The following MGMT variants were observed in gnomAD, a reference collection of about 807,000 sequenced individuals.
MGMT encodes the protein O-6-methylguanine-DNA methyltransferase.
Under a neutral mutation model 15.9 loss-of-function variants are expected in MGMT, and 14 were observed. That is an observed-to-expected ratio of 0.88 (90% CI 0.58 to 1.37). The LOEUF (loss-of-function observed/expected upper bound fraction) is 1.37. MGMT is among the 40% of genes most tolerant of loss of function. The probability of loss-of-function intolerance (pLI) is 0.00; values close to 1 mark genes in which losing one functional copy is unlikely to be tolerated. For missense variants in MGMT, 282 were observed against 268.1 expected (o/e 1.05, Z -0.36); for synonymous variants, 130 against 118.2 (o/e 1.10, Z -0.65).
intron 3 of MGMT, among the ~76,000 whole-genome samples, chr10:129,755,897 C>T (rs1027555707): frequency 1.3e-5 from 2 of 152,188 alleles, no homozygotes; most frequent in East Asian, 3.9e-4. Flanking sequence ...GGTCTGTGTC[C>T]TCCTGCCGTG....
intron 2 of MGMT, among the ~76,000 whole-genome samples, chr10:129,679,243 C>T (rs866108522): frequency 9.9e-5 from 15 of 152,056 alleles, no homozygotes; most frequent in Non-Finnish European, 1.8e-4. Context: ...AAAATTTATG[C>T]GGTCCTTGTG....
At chr10:129,750,772 A>G (rs1474192057) in intron 3 of MGMT, among the ~76,000 whole-genome samples, 2 of 152,092 alleles carry the variant, frequency 1.3e-5, no homozygotes, top group African/African-American at 4.8e-5. Flanking sequence ...GAATGACTGT[A>G]TATCTGTGTG....
At chr10:129,488,062 G>A (rs941338026) in intron 1 of MGMT, among the ~76,000 whole-genome samples, 2 of 149,268 alleles carry the variant, frequency 1.3e-5, no homozygotes, top group Admixed American at 1.3e-4. Flanking sequence ...TATATGGTTA[G>A]TAGTGGGAAG....
chr10:129,622,673 G>A (rs925122083), intron 2 of MGMT, among the ~76,000 whole-genome samples: 1 of 152,078 alleles, frequency 6.6e-6, no homozygotes, highest in Non-Finnish European at 1.5e-5. Context: ...TATGTTTTGT[G>A]TATATGTGCT....
intron 2 of MGMT, among the ~76,000 whole-genome samples, chr10:129,635,429 C>T (rs1054627980): frequency 2.6e-5 from 4 of 152,246 alleles, no homozygotes; most frequent in Non-Finnish European, 4.4e-5. Flanking sequence ...AGGGCAGTCG[C>T]AGCCTTTTCT....
chr10:129,571,511 G>A (rs902888942), intron 2 of MGMT, among the ~76,000 whole-genome samples: 4 of 152,232 alleles, frequency 2.6e-5, no homozygotes, highest in Non-Finnish European at 4.4e-5. Flanking sequence ...TACATAAGAC[G>A]GGGCCGCATA....
chr10:129,728,461 G>A (rs1848458534), intron 3 of MGMT, among the ~76,000 whole-genome samples: 1 of 152,136 alleles, frequency 6.6e-6, no homozygotes, highest in Non-Finnish European at 1.5e-5. Context: ...GATTGCCTTG[G>A]GGGAGTTCAG....
At chr10:129,688,674 T>C (rs1479758632) in intron 2 of MGMT, among the ~76,000 whole-genome samples, 2 of 152,222 alleles carry the variant, frequency 1.3e-5, no homozygotes, top group Non-Finnish European at 2.9e-5. Context: ...TTTATTTTGA[T>C]GTGCAGAAGC....
Position 129,730,184 on chromosome 10 carries a change from G to A in MGMT, c.274+22141G>A, listed in dbSNP as rs146741230. On this transcript the variant is annotated intron_variant, in intron 3 of 4. Coordinates refer to ENST00000651593, the MANE Select transcript of MGMT (RefSeq NM_002412.5). ...CTACATACTTAGGTTCTTTGGGGAG[G>A]TCAGTGCGTTTTTAGCAACCATTGG... 4.8e-3 allele frequency among the ~76,000 whole-genome samples: 736 copies of A among 152,250 alleles called. 5 individuals are homozygous for A. Among genetic ancestry groups the A allele is most frequent in the African/African-American group, 0.016 (668 of 41,536 alleles).
rs540750817 is a variant in MGMT at position 129,622,792 on chromosome 10, TA to T, written c.126-85092del. Reference sequence around the variant, plus strand: ...ATCCTGACTTTCAATAAATGGCCTGTAAAAAAAAAAAGAAAGTATTTAGAGT... The same window carrying T: ...ATCCTGACTTTCAATAAATGGCCTGTAAAAAAAAAAGAAAGTATTTAGAGT... On this transcript the variant is annotated intron_variant, in intron 2 of 4. Coordinates refer to ENST00000651593, the MANE Select transcript of MGMT (RefSeq NM_002412.5). 2.9e-3 allele frequency among the ~76,000 whole-genome samples: 428 copies of T among 146,096 alleles called. 3 individuals are homozygous for T. Among genetic ancestry groups the T allele is most frequent in the African/African-American group, 8.9e-3 (357 of 40,152 alleles).
intron 2 of MGMT, among the ~76,000 whole-genome samples, chr10:129,658,643 T>C (rs1365797606): frequency 6.6e-6 from 1 of 152,224 alleles, no homozygotes; most frequent in Non-Finnish European, 1.5e-5. Context: ...ATCCTGGAGT[T>C]CTGCAGTGAT....
At chr10:129,491,440 TGC>T (rs1845467971) in intron 1 of MGMT, among the ~76,000 whole-genome samples, 1 of 152,198 alleles carries the variant, frequency 6.6e-6, no homozygotes, top group South Asian at 2.1e-4. Context: ...ATATTTATTC[TGC>T]TTAGGGTTTG....
At chr10:129,621,543 G>A (rs1483025979) in intron 2 of MGMT, among the ~76,000 whole-genome samples, 1 of 152,194 alleles carries the variant, frequency 6.6e-6, no homozygotes, top group Non-Finnish European at 1.5e-5. Context: ...TGGAAAGGAT[G>A]GGGAACAGGG....
At chr10:129,490,798 T>C (rs1431241395) in intron 1 of MGMT, among the ~76,000 whole-genome samples, 2 of 152,198 alleles carry the variant, frequency 1.3e-5, no homozygotes, top group Admixed American at 1.3e-4. Context: ...TTCTTTATGA[T>C]TAATAGTTTT....
intron 3 of MGMT, among the ~76,000 whole-genome samples, chr10:129,712,406 A>G (rs1318416885): frequency 6.6e-6 from 1 of 152,236 alleles, no homozygotes; most frequent in East Asian, 1.9e-4. Context: ...ACAGCTATGA[A>G]ATCCAGTTGC....
chr10:129,766,061 A>G (rs1295264144), intron 4 of MGMT, among the ~76,000 whole-genome samples: 3 of 152,196 alleles, frequency 2.0e-5, no homozygotes, highest in African/African-American at 7.2e-5. Context: ...GGGACTGGCC[A>G]TAAAGAAGCA....
chr10:129,673,783 G>A lies in MGMT; in HGVS notation c.126-34112G>A, dbSNP rs147662377. Among the ~76,000 whole-genome samples, 17 of 152,244 alleles carry A rather than the reference G, an allele frequency of 1.1e-4. 1 individual carries two copies. Among genetic ancestry groups the A allele is most frequent in the African/African-American group, 3.6e-4 (15 of 41,544 alleles). On this transcript the variant is annotated intron_variant, in intron 2 of 4. Transcript: ENST00000651593. ...ATCATATGAAACTATGTTTTATGTG[G>A]TATTTAATGTGAGTTTAAATATGCT...
In MGMT at chr10:129,768,590, A is replaced by G. The variant is rs1471823397; in HGVS notation, c.*1593A>G. 2.6e-5 allele frequency among the ~76,000 whole-genome samples: 4 copies of G among 152,228 alleles called. No homozygotes were observed. In the East Asian group the frequency reaches 7.7e-4, roughly 29 times the overall value. On this transcript the variant is annotated 3_prime_UTR_variant, in exon 5 of 5. Transcript: ENST00000651593. ...TCCCCCACAGATGATGGCCCTCCCC[A>G]GTGATGGCCGGTCACCAGGCACGGC... is the stretch of plus-strand genomic sequence containing the variant.
chr10:129,663,465 A>G lies in MGMT; in HGVS notation c.126-44430A>G, dbSNP rs542133951. On this transcript the variant is annotated intron_variant, in intron 2 of 4. Coordinates refer to ENST00000651593, the MANE Select transcript of MGMT (RefSeq NM_002412.5). The stretch of plus-strand genomic sequence containing the variant: ...AAATTAAAAGGGAAGCCAAAAAAGT[A>G]TAGGAAAGGAAATAATAGAAGCAGA... 4.6e-5 allele frequency among the ~76,000 whole-genome samples: 7 copies of G among 152,320 alleles called. No homozygotes were observed. The South Asian group carries it at 1.4e-3, about 32-fold the overall frequency.
Sources: gnomAD v4.1 joint callset for allele counts (sites outside exome capture counted in the v4.1 genomes callset) on GRCh38, gnomAD v4.1.1 for gene constraint, MANE v1.5 for transcripts, NCBI Gene and HGNC (gene_info 2026-07-23, HGNC 2026-07-21) for gene names.